Variants in STPG2 observed in about 807,000 individuals in gnomAD.
The protein encoded by STPG2 is sperm tail PG-rich repeat containing 2, also known as sperm-tail PG-rich repeat-containing protein 2.
STPG2 carries 56 observed loss-of-function variants against 54.2 expected under a neutral mutation model. That is an observed-to-expected ratio of 1.03 (90% CI 0.83 to 1.29). The LOEUF (loss-of-function observed/expected upper bound fraction) is 1.29, where lower values mean the gene tolerates loss of function less well. STPG2 is among the 50% of genes most tolerant of loss of function. STPG2 has a pLI of 0.00. For missense variants in STPG2, 596 were observed against 544.9 expected (o/e 1.09, Z -0.93); for synonymous variants, 200 against 181.8 (o/e 1.10, Z -0.81).
intron 5 of STPG2, among the ~76,000 whole-genome samples, chr4:98,053,757 T>C (rs1391056501): frequency 6.6e-6 from 1 of 152,112 alleles, no homozygotes; most frequent in African/African-American, 2.4e-5. Flanking sequence ...CATTTTATGG[T>C]AAATGTTCAT....
chr4:97,813,677 TAAAAAAAAAAAAAAAAAAAAAA>T (rs869298230), intron 9 of STPG2, among the ~76,000 whole-genome samples: 1 of 45,930 alleles, frequency 2.2e-5, no homozygotes, highest in African/African-American at 7.9e-5. Context: ...CCCTGTCTCT[TAAAAAAAAAAAAAAAAAAAAAA>T]AAAAAAAAAA....
chr4:97,937,452 A>C (rs1000584688), intron 8 of STPG2, among the ~76,000 whole-genome samples: 2 of 152,096 alleles, frequency 1.3e-5, no homozygotes, highest in African/African-American at 4.8e-5. Context: ...TTCGAGGAGA[A>C]GAAGCACTCT....
chr4:97,485,439 G>C (rs1193870677), intron 4 of STPG2, among the ~76,000 whole-genome samples: 1 of 151,626 alleles, frequency 6.6e-6, no homozygotes, highest in Admixed American at 6.6e-5. Context: ...ATCAAATGAA[G>C]AACTCAACCC....
rs547658185 is a variant in STPG2 at position 97,969,929 on chromosome 4, A to G, written c.933+2351T>C. On this transcript the variant is annotated intron_variant, in intron 7 of 10. Coordinates refer to ENST00000295268, the MANE Select transcript of STPG2 (RefSeq NM_174952.3). ...TAGAAAACTCCATCGTCTCAGCCCA[A>G]AATCTTAAGCTGATAAGCAACTTCA... is the stretch of plus-strand genomic sequence containing the variant. 2.0e-5 allele frequency among the ~76,000 whole-genome samples: 3 copies of G among 152,218 alleles called. No homozygotes were observed. In the South Asian group the frequency reaches 6.2e-4, roughly 32 times the overall value.
intron 8 of STPG2, among the ~76,000 whole-genome samples, chr4:97,863,049 G>C (rs982111912): frequency 6.6e-6 from 1 of 151,974 alleles, no homozygotes; most frequent in African/African-American, 2.4e-5. Context: ...AGAGAAGCAA[G>C]AGGAAACACA....
intron 9 of STPG2, among the ~76,000 whole-genome samples, chr4:97,726,512 G>T (rs527369331): frequency 6.6e-6 from 1 of 151,982 alleles, no homozygotes; most frequent in Middle Eastern, 3.4e-3. Context: ...TAATGATCTA[G>T]ATCTGAAACT....
At chr4:98,078,994 A>C (rs1578836709) in intron 5 of STPG2, among the ~76,000 whole-genome samples, 1 of 152,252 alleles carries the variant, frequency 6.6e-6, no homozygotes, top group East Asian at 1.9e-4. Flanking sequence ...GTTTCTACTA[A>C]AGCCTTTCAA....
chr4:97,884,883 C>T (rs1730506703), intron 8 of STPG2, among the ~76,000 whole-genome samples: 1 of 151,920 alleles, frequency 6.6e-6, no homozygotes, highest in Non-Finnish European at 1.5e-5. Context: ...TCTCACGGTT[C>T]AAATTTGGTA....
intron 10 of STPG2, among the ~76,000 whole-genome samples, chr4:97,683,963 C>G (rs1193090304): frequency 6.6e-6 from 1 of 151,514 alleles, no homozygotes; most frequent in East Asian, 1.9e-4. Context: ...TATATAACAG[C>G]AATAAACAAT....
intron 10 of STPG2, among the ~76,000 whole-genome samples, chr4:97,703,531 TA>T (rs1250376676): frequency 4.7e-4 from 67 of 141,328 alleles, no homozygotes; most frequent in Non-Finnish European, 3.0e-4. Context: ...ATACTATATA[TA>T]AGTCTATATA....
intron 9 of STPG2, among the ~76,000 whole-genome samples, chr4:97,780,814 C>T (rs1479382991): frequency 1.3e-5 from 2 of 152,036 alleles, no homozygotes; most frequent in Non-Finnish European, 2.9e-5. Flanking sequence ...ACCTGAACAA[C>T]CTGCTCCTGA....
intron 4 of STPG2, among the ~76,000 whole-genome samples, chr4:97,532,338 G>A (rs774151978): frequency 5.3e-5 from 8 of 151,992 alleles, no homozygotes; most frequent in Non-Finnish European, 7.4e-5. Flanking sequence ...TTTGAAATAT[G>A]TTATTTCATT....
intron 8 of STPG2, among the ~76,000 whole-genome samples, chr4:97,862,031 C>T (rs1288615407): frequency 6.6e-6 from 1 of 151,972 alleles, no homozygotes; most frequent in African/African-American, 2.4e-5. Context: ...GCAAAATAAC[C>T]AGCTAACATC....
intron 10 of STPG2, among the ~76,000 whole-genome samples, chr4:97,616,057 A>AATAT (rs70953077): frequency 0.041 from 1,509 of 37,208 alleles, 90 homozygotes; most frequent in Non-Finnish European, 0.051. Flanking sequence ...AATACATATA[A>AATAT]ATATATATAT....
intron 8 of STPG2, among the ~76,000 whole-genome samples, chr4:97,875,092 C>T (rs1730125227): frequency 6.6e-6 from 1 of 151,810 alleles, no homozygotes; most frequent in African/African-American, 2.4e-5. Context: ...AGTTAATGAA[C>T]ATTTAGATTG....
intron 9 of STPG2, among the ~76,000 whole-genome samples, chr4:97,835,035 G>T (rs768988551): frequency 1.3e-5 from 2 of 152,068 alleles, no homozygotes; most frequent in Non-Finnish European, 2.9e-5. Context: ...TAGTGGTTGG[G>T]TAAAATAAGG....
At chr4:97,868,770 C>T (rs1729881092) in intron 8 of STPG2, among the ~76,000 whole-genome samples, 1 of 151,798 alleles carries the variant, frequency 6.6e-6, no homozygotes, top group South Asian at 2.1e-4. Context: ...CCTACTCCCT[C>T]CAAACACAAA....
chr4:97,758,506 G>A (rs1725795908), intron 9 of STPG2, among the ~76,000 whole-genome samples: 1 of 152,070 alleles, frequency 6.6e-6, no homozygotes, highest in South Asian at 2.1e-4. Context: ...ATTATCCTCA[G>A]CAAATTAACA....
chr4:97,694,364 A>G (rs768269949), intron 10 of STPG2, among the ~76,000 whole-genome samples: 39 of 152,152 alleles, frequency 2.6e-4, no homozygotes, highest in Admixed American at 1.0e-3. Context: ...TACAAAAAAA[A>G]TCATTCAAGG....
Sources: gnomAD v4.1 joint callset for allele counts (sites outside exome capture counted in the v4.1 genomes callset) on GRCh38, gnomAD v4.1.1 for gene constraint, MANE v1.5 for transcripts, NCBI Gene and HGNC (gene_info 2026-07-23, HGNC 2026-07-21) for gene names.